SIMC1: variants seen among roughly 807,000 people sequenced by gnomAD.
SIMC1 encodes SUMO-interacting motif-containing protein 1.
Under a neutral mutation model 82.3 loss-of-function variants are expected in SIMC1, and 55 were observed. The observed-to-expected ratio is 0.67, with a 90% CI of 0.54 to 0.84. The LOEUF is 0.84. Among genes scored for constraint, SIMC1 ranks in the 40% least tolerant of loss-of-function variants. The pLI is 0.00. For synonymous variants in SIMC1, 353 were observed against 426.3 expected, an observed-to-expected ratio of 0.83 and a Z score of 2.12; for missense variants, 915 against 1,107.2, an observed-to-expected ratio of 0.83 and a Z score of 2.46.
At chr5:176,326,624 G>T (rs1765404467) in intron 7 of SIMC1, among the ~76,000 whole-genome samples, 1 of 152,108 alleles carries the variant, frequency 6.6e-6, no homozygotes, top group Admixed American at 6.5e-5. Context: ...GAGTACAGTG[G>T]TGGGATCTCA....
intron 1 of SIMC1, among the ~76,000 whole-genome samples, chr5:176,288,427 A>G (rs879890182): frequency 0.023 from 2,289 of 101,486 alleles, 21 homozygotes; most frequent in Middle Eastern, 0.038. Context: ...ATGAATGAAT[A>G]AATAAATAAA....
intron 7 of SIMC1, among the ~76,000 whole-genome samples, chr5:176,334,060 T>G (rs1765784702): frequency 6.6e-6 from 1 of 152,218 alleles, no homozygotes; most frequent in Non-Finnish European, 1.5e-5. Context: ...TGCTTGCTTT[T>G]GAAAATCTTG....
At chr5:176,304,167 CAT>C (rs1253123637) in intron 4 of SIMC1, 2 of 143,440 alleles carry the variant, frequency 1.4e-5, no homozygotes, top group African/African-American at 5.2e-5. Flanking sequence ...AGTTATAAAT[CAT>C]ATATCTGATG....
chr5:176,261,475 G>A (rs913664022), intron 1 of SIMC1, among the ~76,000 whole-genome samples: 3 of 152,080 alleles, frequency 2.0e-5, no homozygotes, highest in Non-Finnish European at 4.4e-5. Flanking sequence ...GGGCACGGTG[G>A]CTCACACCTG....
chr5:176,317,250 A>G (rs1764955006), intron 5 of SIMC1, among the ~76,000 whole-genome samples: 1 of 152,198 alleles, frequency 6.6e-6, no homozygotes, highest in African/African-American at 2.4e-5. Context: ...AGGTATTTTT[A>G]AAAAGAGAGA....
intron 1 of SIMC1, chr5:176,270,430 T>C (rs561565212): frequency 6.6e-6 from 1 of 152,164 alleles, no homozygotes; most frequent in South Asian, 2.1e-4. Flanking sequence ...GATGGCTGAA[T>C]AGAACCCTCC....
chr5:176,340,719 T>A (rs528606693), intron 9 of SIMC1, among the ~76,000 whole-genome samples: 5 of 152,222 alleles, frequency 3.3e-5, no homozygotes, highest in Non-Finnish European at 7.3e-5. Context: ...AGTGGAGAGA[T>A]TGATCCTAAA....
Position 176,275,536 on chromosome 5 carries a change from TC to T in SIMC1, c.130-14115del, listed in dbSNP as rs1762647743. On this transcript the variant is annotated intron_variant, in intron 1 of 9. Coordinates refer to ENST00000429602, the MANE Select transcript of SIMC1 (RefSeq NM_001308195.2). Reference sequence around the variant, plus strand: ...TGAAGAGGAGTGGTGAGAGAGGGCATCCCTGTCTTGTGCCAGTTTTCAAAGG... The same window carrying T: ...TGAAGAGGAGTGGTGAGAGAGGGCATCCTGTCTTGTGCCAGTTTTCAAAGG... Among the ~76,000 whole-genome samples, 8 of 152,000 alleles carry T rather than the reference TC, an allele frequency of 5.3e-5. No homozygotes were observed. In the South Asian group the frequency reaches 1.7e-3, roughly 32 times the overall value.
chr5:176,288,376 C>G (rs1245560647), intron 1 of SIMC1, among the ~76,000 whole-genome samples: 1 of 151,480 alleles, frequency 6.6e-6, no homozygotes, highest in East Asian at 1.9e-4. Context: ...CCACTGCACT[C>G]CAGCCTAGGC....
At chr5:176,260,513 T>C (rs1048101573) in intron 1 of SIMC1, among the ~76,000 whole-genome samples, 32 of 152,338 alleles carry the variant, frequency 2.1e-4, no homozygotes, top group Non-Finnish European at 4.3e-4. Context: ...CAGTCTCTTA[T>C]TGATTTTAAT....
At chr5:176,334,929 A>G (rs939787939) in intron 7 of SIMC1, among the ~76,000 whole-genome samples, 5 of 151,878 alleles carry the variant, frequency 3.3e-5, no homozygotes, top group Non-Finnish European at 7.4e-5. Flanking sequence ...TGTCTCTACT[A>G]AAAATACAAA....
Position 176,335,021 on chromosome 5 carries a change from G to GT in SIMC1, c.2172-1698dup, listed in dbSNP as rs553028970. On this transcript the variant is annotated intron_variant, in intron 7 of 9. Transcript: ENST00000429602. ...TAGGAGAATTGCTTGAACCCGGGGG[G>GT]TGGGGGTGGAGGTTGCAGTGAGCTG... Among the ~76,000 whole-genome samples, 7 of 151,700 alleles carry GT rather than the reference G, an allele frequency of 4.6e-5. No homozygotes were observed. In the East Asian group the frequency reaches 1.4e-3, roughly 30 times the overall value.
At chr5:176,276,895 C>A (rs1259263519) in intron 1 of SIMC1, among the ~76,000 whole-genome samples, 1 of 149,962 alleles carries the variant, frequency 6.7e-6, no homozygotes, top group Non-Finnish European at 1.5e-5. Flanking sequence ...GTGAATAATG[C>A]CGCAGTAAAC....
At chr5:176,331,523 C>T (rs1765669989) in intron 7 of SIMC1, among the ~76,000 whole-genome samples, 1 of 151,162 alleles carries the variant, frequency 6.6e-6, no homozygotes, top group Non-Finnish European at 1.5e-5. Flanking sequence ...CCATGTTGGC[C>T]AGGCTGGTCT....
chr5:176,258,225 A>C (rs1761910012), intron 1 of SIMC1, among the ~76,000 whole-genome samples: 1 of 152,162 alleles, frequency 6.6e-6, no homozygotes, highest in East Asian at 1.9e-4. Flanking sequence ...TAATAAGAAT[A>C]GCTGGCATTT....
intron 1 of SIMC1, among the ~76,000 whole-genome samples, chr5:176,273,479 G>C (rs1762537325): frequency 6.6e-6 from 1 of 152,098 alleles, no homozygotes; most frequent in South Asian, 2.1e-4. Context: ...CAAAGATGGG[G>C]AGAAACCAGA....
chr5:176,308,601 A>G, intron 4 of SIMC1: 1 of 1,583,572 alleles, frequency 6.3e-7, no homozygotes, highest in Non-Finnish European at 8.7e-7. Flanking sequence ...ACAGGCCCAA[A>G]AGAGTTCAGA....
chr5:176,308,241 GCA>G (rs1368331920), intron 4 of SIMC1: 3 of 1,542,008 alleles, frequency 1.9e-6, no homozygotes, highest in Non-Finnish European at 2.7e-6. Flanking sequence ...ACTGAAATGC[GCA>G]CAGTTGCTGA....
chr5:176,307,377 T>C (rs1414116848), intron 4 of SIMC1, among the ~76,000 whole-genome samples: 1 of 152,224 alleles, frequency 6.6e-6, no homozygotes, highest in Middle Eastern at 3.2e-3. Context: ...TTTACTTTAG[T>C]AAATTTAATG....
Sources: allele counts gnomAD v4.1 joint callset (sites outside exome capture counted in the v4.1 genomes callset), GRCh38; gene constraint gnomAD v4.1.1; transcripts MANE v1.5; gene names NCBI Gene and HGNC (gene_info 2026-07-23, HGNC 2026-07-21).